ACOXL: variants seen among roughly 807,000 people sequenced by gnomAD.
The protein encoded by ACOXL is acyl-coenzyme A oxidase-like protein.
ACOXL carries 70 observed loss-of-function variants against 71.9 expected under a neutral mutation model. The observed-to-expected ratio is 0.97, with a 90% confidence interval of 0.80 to 1.19. The LOEUF (loss-of-function observed/expected upper bound fraction) is 1.19, where lower values mean the gene tolerates loss of function less well. ACOXL is among the 50% of genes most tolerant of loss of function. The probability of loss-of-function intolerance (pLI) is 0.00; values close to 1 mark genes in which losing one functional copy is unlikely to be tolerated. For missense variants in ACOXL, 703 were observed against 736.3 expected (o/e 0.95, Z 0.52); for synonymous variants, 253 against 281.6 (o/e 0.90, Z 1.02).
chr2:110,846,641 G>GCACGCACACACACACA (rs1553562227), intron 10 of ACOXL, among the ~76,000 whole-genome samples: 2 of 138,034 alleles, frequency 1.4e-5, no homozygotes, highest in South Asian at 2.6e-4. Flanking sequence ...ATGCATACAC[G>GCACGCACACACACACA]CACACACACA....
At chr2:110,998,900 CTAAT>C (rs1367161725) in intron 14 of ACOXL, among the ~76,000 whole-genome samples, 1 of 152,140 alleles carries the variant, frequency 6.6e-6, no homozygotes, top group Non-Finnish European at 1.5e-5. Flanking sequence ...AGAAACAAAT[CTAAT>C]TATATGCATT....
Position 111,031,665 on chromosome 2 carries a change from C to T in ACOXL, c.1320C>T (p.Asn440=). 1 of 1,614,176 alleles carries T rather than the reference C, an allele frequency of 6.2e-7. No homozygotes were observed. Among genetic ancestry groups the T allele is most frequent in the South Asian group, 1.1e-5 (1 of 91,086 alleles). Residue 440 remains asparagine (N), a synonymous_variant, in exon 15 of 18, where the codon AAC becomes AAT. Transcript: ENST00000439055. ...AGGAGGATTTTTTCCATGCCTGGAACTCGTGTCTGCACCACGTGGCTTCTC... is the reference window on the plus strand; with the variant it reads ...AGGAGGATTTTTTCCATGCCTGGAATTCGTGTCTGCACCACGTGGCTTCTC... ...TKKEDFFHAW[N]SCLHHVASLS...
rs1422893782 is a variant in ACOXL at position 110,845,107 on chromosome 2, AT to A, written c.788+3703del. 1.2e-4 allele frequency among the ~76,000 whole-genome samples: 18 copies of A among 152,316 alleles called. No individual in the cohort carries two copies. The East Asian group carries it at 3.5e-3, about 29-fold the overall frequency. ...CAAAATACCATAGACTGGGTACTTT[AT>A]AAAGAACAGAAATTTATTTTCTCAC... On this transcript the variant is annotated intron_variant, in intron 10 of 17. Transcript: ENST00000439055.
rs79805980 is a variant in ACOXL, at chr2:110,957,753, T to C, written c.1059+24111T>C. On this transcript the variant is annotated intron_variant, in intron 12 of 17. Coordinates refer to ENST00000439055, the MANE Select transcript of ACOXL (RefSeq NM_001142807.4). ...TTCTGAGATTGTGGGAGTTAGGACTTCAACATAAGAATTTTGTGGGGGACC... is the reference window on the plus strand; with the variant it reads ...TTCTGAGATTGTGGGAGTTAGGACTCCAACATAAGAATTTTGTGGGGGACC... Among the ~76,000 whole-genome samples the C allele has an allele frequency of 1.9e-3, 289 of 152,238 alleles. 2 individuals are homozygous for C. The highest frequency in any genetic ancestry group is 6.7e-3 in the African/African-American group (278 of 41,548).
At chr2:110,858,348 T>C (rs1533300) in intron 10 of ACOXL, among the ~76,000 whole-genome samples, 101,897 of 151,928 alleles carry the variant, frequency 0.67, 34,985 homozygotes, top group South Asian at 0.82. Context: ...TCCTTCCTAC[T>C]CCCCGAGACA....
intron 15 of ACOXL, among the ~76,000 whole-genome samples, chr2:111,039,178 A>C (rs1190998205): frequency 1.3e-5 from 2 of 152,262 alleles, no homozygotes; most frequent in Admixed American, 1.3e-4. Flanking sequence ...TCTTCAATGC[A>C]TCTGTTTATC....
intron 9 of ACOXL, among the ~76,000 whole-genome samples, chr2:110,825,885 A>AG (rs1689108063): frequency 6.6e-6 from 1 of 152,114 alleles, no homozygotes; most frequent in Non-Finnish European, 1.5e-5. Context: ...GGTTGACTAG[A>AG]GGCCTGGACC....
chr2:111,021,997 C>CAG (rs202068445), intron 14 of ACOXL, among the ~76,000 whole-genome samples: 2 of 151,508 alleles, frequency 1.3e-5, no homozygotes, highest in South Asian at 4.2e-4. Context: ...TCATCTAGAC[C>CAG]AGAGAGAGAG....
intron 14 of ACOXL, among the ~76,000 whole-genome samples, chr2:111,016,333 G>A (rs2880120): frequency 0.36 from 54,837 of 151,936 alleles, 10,566 homozygotes; most frequent in African/African-American, 0.49. Context: ...GAAATGTTCT[G>A]TATCTTGATC....
intron 16 of ACOXL, among the ~76,000 whole-genome samples, chr2:111,089,229 G>C (rs1168917419): frequency 3.3e-5 from 5 of 152,218 alleles, no homozygotes; most frequent in Admixed American, 3.3e-4. Context: ...GAACCAGGGA[G>C]GTGGAGGTTG....
At chr2:110,773,012 G>C (rs1682160114) in intron 2 of ACOXL, among the ~76,000 whole-genome samples, 1 of 152,166 alleles carries the variant, frequency 6.6e-6, no homozygotes, top group African/African-American at 2.4e-5. Flanking sequence ...ATTGACAGCT[G>C]TAGCCTGGAC....
chr2:110,996,403 G>A (rs573795979), intron 14 of ACOXL, among the ~76,000 whole-genome samples: 90 of 152,304 alleles, frequency 5.9e-4, no homozygotes, highest in Middle Eastern at 3.4e-3. Context: ...GATGCATTCT[G>A]TCTCCTATTA....
intron 17 of ACOXL, chr2:111,101,039 A>G (rs1252516216): frequency 6.6e-6 from 1 of 152,668 alleles, no homozygotes; most frequent in African/African-American, 2.4e-5. Flanking sequence ...CTGAGTAGAC[A>G]TTGCCAATGG....
intron 11 of ACOXL, among the ~76,000 whole-genome samples, chr2:110,930,189 G>A (rs1277971843): frequency 6.6e-6 from 1 of 152,220 alleles, no homozygotes; most frequent in Non-Finnish European, 1.5e-5. Context: ...GGGGAGCAGA[G>A]CTGCCCAAGA....
chr2:110,735,684 G>A (rs113798562), intron 1 of ACOXL, among the ~76,000 whole-genome samples: 3 of 152,162 alleles, frequency 2.0e-5, no homozygotes, highest in Non-Finnish European at 2.9e-5. Flanking sequence ...CTCAGACTCC[G>A]GGAGCATCCT....
chr2:110,782,817 T>A (rs1559255007), intron 2 of ACOXL, among the ~76,000 whole-genome samples: 1 of 152,198 alleles, frequency 6.6e-6, no homozygotes, highest in Non-Finnish European at 1.5e-5. Context: ...TTACTCCTGA[T>A]TATTTCAGTT....
intron 17 of ACOXL, among the ~76,000 whole-genome samples, chr2:111,112,740 T>C (rs2070077757): frequency 6.6e-6 from 1 of 152,210 alleles, no homozygotes. Context: ...TGTGTTTGAC[T>C]TAAGGTGGTG....
chr2:110,922,583 G>C (rs537948005), intron 11 of ACOXL, among the ~76,000 whole-genome samples: 2 of 152,246 alleles, frequency 1.3e-5, no homozygotes, highest in Non-Finnish European at 2.9e-5. Flanking sequence ...TATGATAAAA[G>C]TGTTATATGT....
At position 110,968,149 on chromosome 2, in the gene ACOXL, G is replaced by A. The variant is rs542845852; in HGVS notation, c.1060-18959G>A. Reference sequence around the variant, plus strand: ...AGAGTATTGTACTGGCCTGCTGCTGGCCCGCAGGCTTCTCAATAGGTTTGG... The same window carrying A: ...AGAGTATTGTACTGGCCTGCTGCTGACCCGCAGGCTTCTCAATAGGTTTGG... On this transcript the variant is annotated intron_variant, in intron 12 of 17. Coordinates refer to ENST00000439055, the MANE Select transcript of ACOXL (RefSeq NM_001142807.4). The A allele has an allele frequency of 1.0e-4, 133 of 1,306,200 alleles. 1 individual carries two copies. The highest frequency in any genetic ancestry group is 6.9e-4 in the Admixed American group (41 of 59,640). 80.9% of individuals were successfully genotyped at this position (1,306,200 alleles called of 1,614,324 possible).
Sources: gnomAD v4.1 joint callset for allele counts (sites outside exome capture counted in the v4.1 genomes callset) on GRCh38, gnomAD v4.1.1 for gene constraint, MANE v1.5 for transcripts, NCBI Gene and HGNC (gene_info 2026-07-23, HGNC 2026-07-21) for gene names.